XPO1: variants seen among roughly 807,000 people sequenced by gnomAD.
XPO1 encodes the protein exportin-1.
Under a neutral mutation model 133.3 loss-of-function variants are expected in XPO1, and 5 were observed. The observed-to-expected ratio is 0.04, with a 90% CI of 0.02 to 0.08. The LOEUF is 0.08. Ranked by LOEUF, XPO1 falls within the 10% of genes least tolerant of loss-of-function variation. XPO1 has a pLI of 1.00. For synonymous variants in XPO1, 419 were observed against 408.2 expected, an observed-to-expected ratio of 1.03 and a Z score of -0.32; for missense variants, 506 against 1,267.5, an observed-to-expected ratio of 0.40 and a Z score of 9.12.
At chr2:61,517,310 G>C (rs1698441989) in intron 4 of XPO1, among the ~76,000 whole-genome samples, 1 of 152,170 alleles carries the variant, frequency 6.6e-6, no homozygotes, top group African/African-American at 2.4e-5. Flanking sequence ...TGATGGCTAG[G>C]AGTGGTGATA....
chr2:61,531,607 C>T (rs529316425), intron 2 of XPO1, among the ~76,000 whole-genome samples: 1 of 152,222 alleles, frequency 6.6e-6, no homozygotes, highest in East Asian at 1.9e-4. Context: ...GTATTAGTAG[C>T]TGAATCTATG....
chr2:61,521,678 A>G (rs1698695704), intron 4 of XPO1, among the ~76,000 whole-genome samples: 1 of 152,180 alleles, frequency 6.6e-6, no homozygotes. Context: ...CAGAACCACA[A>G]AAGGCAAAAC....
Position 61,490,665 on chromosome 2 carries a change from T to C in XPO1, c.1999A>G (p.Ser667Gly). The C allele has an allele frequency of 6.2e-7, 1 of 1,614,182 alleles. No homozygotes were observed. The highest frequency in any genetic ancestry group is 8.5e-7 in the Non-Finnish European group (1 of 1,180,028). Residue 667 changes from serine (S) to glycine (G), a missense_variant, in exon 17 of 25, where the codon AGT (serine) becomes GGT (glycine). Ser to Gly is a moderately conservative substitution (Grantham distance 56). Coordinates refer to ENST00000401558, the MANE Select transcript of XPO1 (RefSeq NM_003400.4). ...ACTTTGGTTGCCTGCTGGATTATAC[T>C]ATCCCACACTTGATTAGGGAGTAAC... ...YMLLPNQVWDSIIQQATKNVD... is the reference protein window; with the variant it reads ...YMLLPNQVWDGIIQQATKNVD...
chr2:61,490,101 G>C (rs1417303828), intron 17 of XPO1, among the ~76,000 whole-genome samples: 1 of 150,360 alleles, frequency 6.7e-6, no homozygotes, highest in Non-Finnish European at 1.5e-5. Context: ...ACGTTGGCCA[G>C]GATGGTCTCA....
At chr2:61,493,216 A>G (rs1697077524) in intron 12 of XPO1, 163 bp from the exon 13 acceptor site, 1 of 619,784 alleles carries the variant, frequency 1.6e-6, no homozygotes. Context: ...CGAGGCAAAA[A>G]GAACTGTTGT....
chr2:61,511,890 C>G (rs1441536542), intron 4 of XPO1, among the ~76,000 whole-genome samples: 3 of 152,106 alleles, frequency 2.0e-5, no homozygotes, highest in Non-Finnish European at 4.4e-5. Context: ...TACCGAGTAG[C>G]TGGGATTCTG....
chr2:61,487,312 A>G (rs1010783761), intron 19 of XPO1, among the ~76,000 whole-genome samples: 3 of 152,232 alleles, frequency 2.0e-5, no homozygotes, highest in Admixed American at 1.3e-4. Context: ...CTTGTAAATT[A>G]CAAACATCAC....
intron 4 of XPO1, among the ~76,000 whole-genome samples, chr2:61,512,902 G>A (rs1698162262): frequency 1.3e-5 from 2 of 152,150 alleles, no homozygotes; most frequent in African/African-American, 4.8e-5. Context: ...TTAGCCGGGT[G>A]TGGTGGTGTG....
At chr2:61,494,876 C>CT (rs1319933158) in intron 11 of XPO1, 1 of 151,474 alleles carries the variant, frequency 6.6e-6, no homozygotes, top group African/African-American at 2.4e-5. Flanking sequence ...GAGTCTTGCT[C>CT]TGTCACTCAG....
intron 7 of XPO1, among the ~76,000 whole-genome samples, chr2:61,499,381 C>CCA (rs1021415347): frequency 2.2e-4 from 33 of 152,180 alleles, no homozygotes; most frequent in African/African-American, 7.9e-4. Context: ...CTGCTGCACT[C>CCA]CACCCCAGGC....
At chr2:61,538,518 G>C (rs546138282), upstream of XPO1, 1 of 152,994 alleles carries the variant, frequency 6.5e-6, no homozygotes, top group East Asian at 1.9e-4. Flanking sequence ...TTTGCCCGCA[G>C]AGTGGGGGAG....
At chr2:61,508,167 G>T (rs534857939) in intron 4 of XPO1, among the ~76,000 whole-genome samples, 18 of 152,296 alleles carry the variant, frequency 1.2e-4, no homozygotes, top group Non-Finnish European at 1.6e-4. Flanking sequence ...TTCAAGACCA[G>T]CCTGGCCAAC....
In XPO1 at chr2:61,478,983, T is replaced by C. The variant is rs188080999; in HGVS notation, c.3070-17A>G. On this transcript the variant is annotated splice_polypyrimidine_tract_variant and intron_variant, in intron 24 of 24. Coordinates refer to ENST00000401558, the MANE Select transcript of XPO1 (RefSeq NM_003400.4). ...TGCAAATTCCTGTGAAAACAGATAG[T>C]TGAAATGTCAACGCAATAAACTTCA... The C allele has an allele frequency of 1.4e-5, 23 of 1,606,052 alleles. No homozygotes were observed. The East Asian group carries it at 4.5e-4, about 31-fold the overall frequency.
chr2:61,478,852 G>C lies in XPO1; in HGVS notation c.3184C>G (p.Pro1062Ala). 6.2e-7 allele frequency: 1 copy of C among 1,614,060 alleles called. No homozygotes were observed. Among genetic ancestry groups the C allele is most frequent in the Non-Finnish European group, 8.5e-7 (1 of 1,180,000 alleles). The change falls in exon 25 of 25, where the codon CCA becomes GCA. Residue 1062 changes from proline to alanine, a missense_variant. Physicochemically the swap from Pro to Ala is conservative, Grantham distance 27 (BLOSUM62 -1). Transcript: ENST00000401558. ...RQMSVPGIFNPHEIPEEMCD is the reference protein window; with the variant it reads ...RQMSVPGIFNAHEIPEEMCD The stretch of plus-strand genomic sequence containing the variant: ...CACATTTCTTCTGGAATCTCATGTG[G>C]ATTAAAGATGCCAGGGACAGACATT...
intron 4 of XPO1, among the ~76,000 whole-genome samples, chr2:61,509,169 T>C (rs531218499): frequency 1.5e-3 from 205 of 135,790 alleles, no homozygotes; most frequent in African/African-American, 5.6e-3. Context: ...GCCCAGCTGA[T>C]TTTTTTTTTT....
At chr2:61,485,668 T>C in intron 20 of XPO1, 100 bp downstream of exon 20, 1 of 1,008,574 alleles carries the variant, frequency 9.9e-7, no homozygotes, top group Non-Finnish European at 1.4e-6. Context: ...TTAAACTCCA[T>C]GGCATTAAAA....
At position 61,492,856 on chromosome 2, in the gene XPO1, G is replaced by A. The variant is rs752126345; in HGVS notation, c.1384+59C>T. On this transcript the variant is annotated intron_variant, in intron 13 of 24. Transcript: ENST00000401558. The surrounding 1 kb of genome is among the most constrained non-coding windows in gnomAD (Gnocchi z 5.6). Reference sequence around the variant, plus strand: ...AAACTACAAGTACATTTCCTAAAATGTATTTCCACCCCAGAATAGATTTAT... The same window carrying A: ...AAACTACAAGTACATTTCCTAAAATATATTTCCACCCCAGAATAGATTTAT... 4 of 1,560,218 alleles carry A rather than the reference G, an allele frequency of 2.6e-6. No individual in the cohort carries two copies. Among genetic ancestry groups the A allele is most frequent in the Admixed American group, 1.9e-5 (1 of 51,730 alleles).
At chr2:61,479,375 C>T (rs1696216989) in intron 24 of XPO1, among the ~76,000 whole-genome samples, 1 of 151,992 alleles carries the variant, frequency 6.6e-6, no homozygotes, top group African/African-American at 2.4e-5. Flanking sequence ...TCACTTGAAC[C>T]TGCATGGCGG....
At chr2:61,524,605 CA>C (rs1406770678) in intron 3 of XPO1, among the ~76,000 whole-genome samples, 1 of 151,964 alleles carries the variant, frequency 6.6e-6, no homozygotes. Flanking sequence ...GAAACTAAAA[CA>C]AAAAAAATTT....
Sources: allele counts gnomAD v4.1 joint callset (sites outside exome capture counted in the v4.1 genomes callset), GRCh38; gene constraint gnomAD v4.1.1; non-coding constraint Gnocchi (gnomAD v3.1); transcripts MANE v1.5; gene names NCBI Gene and HGNC (gene_info 2026-07-23, HGNC 2026-07-21).